Variants in HHAT observed in about 807,000 individuals in gnomAD.
HHAT encodes the protein protein-cysteine N-palmitoyltransferase HHAT.
Under a neutral mutation model 70.8 loss-of-function variants are expected in HHAT, and 47 were observed. That is an observed-to-expected ratio of 0.66 (90% CI 0.53 to 0.85). HHAT has a LOEUF of 0.85. HHAT is among the 40% of genes least tolerant of loss of function. The pLI is 0.00. For synonymous variants in HHAT, 228 were observed against 247.6 expected, an observed-to-expected ratio of 0.92 and a Z score of 0.74; for missense variants, 609 against 604.8, an observed-to-expected ratio of 1.01 and a Z score of -0.07.
At chr1:210,600,656 T>G (rs998233855) in intron 10 of HHAT, among the ~76,000 whole-genome samples, 2 of 151,832 alleles carry the variant, frequency 1.3e-5, no homozygotes, top group African/African-American at 4.8e-5. Flanking sequence ...CGTAGAGGAG[T>G]TACTGCTGGA....
intron 11 of HHAT, among the ~76,000 whole-genome samples, chr1:210,673,755 CTTATTTA>C (rs779925967): frequency 0.054 from 3,844 of 70,580 alleles, 108 homozygotes; most frequent in Middle Eastern, 0.17. Flanking sequence ...CCATGCCTGG[CTTATTTA>C]TTATTTATTT....
intron 6 of HHAT, among the ~76,000 whole-genome samples, chr1:210,406,174 A>T (rs1329357786): frequency 6.6e-6 from 1 of 152,078 alleles, no homozygotes; most frequent in East Asian, 1.9e-4. Context: ...TGAACTTTTG[A>T]ATTATTCTCA....
At chr1:210,664,950 C>T (rs945879387) in intron 11 of HHAT, among the ~76,000 whole-genome samples, 3 of 152,162 alleles carry the variant, frequency 2.0e-5, no homozygotes, top group African/African-American at 7.2e-5. Flanking sequence ...ATTCATCAGT[C>T]ACCAAGTCTT....
At chr1:210,428,507 C>T (rs1026286121) in intron 7 of HHAT, among the ~76,000 whole-genome samples, 1 of 151,036 alleles carries the variant, frequency 6.6e-6, no homozygotes, top group Non-Finnish European at 1.5e-5. Flanking sequence ...CACATTGGAT[C>T]TAGTTGTTTT....
At chr1:210,355,898 GC>G (rs1173571226) in intron 2 of HHAT, among the ~76,000 whole-genome samples, 1 of 151,960 alleles carries the variant, frequency 6.6e-6, no homozygotes, top group Non-Finnish European at 1.5e-5. Context: ...GTCAGTTTGA[GC>G]AATTCATATT....
intron 7 of HHAT, among the ~76,000 whole-genome samples, chr1:210,457,405 A>G (rs1486281594): frequency 6.6e-6 from 1 of 152,188 alleles, no homozygotes; most frequent in Admixed American, 6.5e-5. Flanking sequence ...CAAAATCTAG[A>G]GTAGGTTTGA....
rs1355876432 is a variant in HHAT, at chr1:210,488,350, ACTTTTT to A, written c.1007+23702_1007+23707del. Among the ~76,000 whole-genome samples, 4 of 151,948 alleles carry A rather than the reference ACTTTTT, an allele frequency of 2.6e-5. No homozygotes were observed. The South Asian group carries it at 6.2e-4, about 24-fold the overall frequency. On this transcript the variant is annotated intron_variant, in intron 8 of 11. Transcript: ENST00000261458. ...ATCCCCACTCACCCCCTCACTCTCC[ACTTTTT>A]CTTTTTACTTTTTGCTGTAGCACTT... is the stretch of plus-strand genomic sequence containing the variant.
intron 9 of HHAT, among the ~76,000 whole-genome samples, chr1:210,533,696 T>C (rs1401597669): frequency 6.6e-6 from 1 of 152,216 alleles, no homozygotes; most frequent in Non-Finnish European, 1.5e-5. Context: ...TATGTCATCA[T>C]TGCTTTAAAT....
intron 11 of HHAT, among the ~76,000 whole-genome samples, chr1:210,648,414 C>A (rs1674500565): frequency 6.6e-6 from 1 of 152,144 alleles, no homozygotes; most frequent in African/African-American, 2.4e-5. Context: ...TGAAGCCATG[C>A]ATTTATTGTT....
chr1:210,457,345 A>T (rs2093891079), intron 7 of HHAT, among the ~76,000 whole-genome samples: 2 of 152,334 alleles, frequency 1.3e-5, no homozygotes, highest in East Asian at 1.9e-4. Flanking sequence ...ATTAAAAAAA[A>T]GTCTAAGCTT....
chr1:210,569,909 A>T lies in HHAT; in HGVS notation c.1044-17989A>T, dbSNP rs555971033. Among the ~76,000 whole-genome samples, 3 of 152,276 alleles carry T rather than the reference A, an allele frequency of 2.0e-5. No individual in the cohort carries two copies. In the East Asian group the frequency reaches 5.8e-4, roughly 29 times the overall value. ...GACTGACTGCCCCAGGCAAGCACAGATGTTTCAATCCCTCTTTATATTATC... is the reference window on the plus strand; with the variant it reads ...GACTGACTGCCCCAGGCAAGCACAGTTGTTTCAATCCCTCTTTATATTATC... On this transcript the variant is annotated intron_variant, in intron 9 of 11. Coordinates refer to ENST00000261458, the MANE Select transcript of HHAT (RefSeq NM_018194.6).
At chr1:210,540,525 T>G (rs1030347123) in intron 9 of HHAT, among the ~76,000 whole-genome samples, 4 of 82,128 alleles carry the variant, frequency 4.9e-5, no homozygotes, top group Non-Finnish European at 1.2e-4. Flanking sequence ...AAACACACGC[T>G]CTCTCTCTCT....
chr1:210,433,523 T>G (rs569218318), intron 7 of HHAT, among the ~76,000 whole-genome samples: 2 of 151,170 alleles, frequency 1.3e-5, no homozygotes, highest in South Asian at 2.1e-4. Context: ...GAGAGAAATA[T>G]TCACATACTC....
intron 9 of HHAT, among the ~76,000 whole-genome samples, chr1:210,577,214 A>C (rs1658003445): frequency 6.6e-6 from 1 of 152,046 alleles, no homozygotes; most frequent in Non-Finnish European, 1.5e-5. Context: ...TATTTCCAAT[A>C]CTATGTTGAA....
At chr1:210,534,910 T>C (rs866723210) in intron 9 of HHAT, among the ~76,000 whole-genome samples, 2 of 152,342 alleles carry the variant, frequency 1.3e-5, no homozygotes, top group African/African-American at 2.4e-5. Flanking sequence ...TGTCTAACTT[T>C]CTGGCCTTCA....
intron 11 of HHAT, among the ~76,000 whole-genome samples, chr1:210,668,379 G>A (rs1479358651): frequency 6.6e-6 from 1 of 152,190 alleles, no homozygotes; most frequent in Non-Finnish European, 1.5e-5. Flanking sequence ...CAATCCCCAT[G>A]GTCATGGGAA....
chr1:210,534,781 T>C (rs543577065), intron 9 of HHAT, among the ~76,000 whole-genome samples: 1 of 152,318 alleles, frequency 6.6e-6, no homozygotes, highest in African/African-American at 2.4e-5. Flanking sequence ...ACGTTTCAAA[T>C]TTTAGAGTTT....
chr1:210,371,791 G>T (rs2089595451), intron 3 of HHAT, among the ~76,000 whole-genome samples: 2 of 152,260 alleles, frequency 1.3e-5, no homozygotes, highest in South Asian at 4.1e-4. Context: ...GTTGCCAAGA[G>T]ATCAATGTTC....
chr1:210,580,344 G>C (rs1363389432), intron 9 of HHAT, among the ~76,000 whole-genome samples: 1 of 150,848 alleles, frequency 6.6e-6, no homozygotes, highest in Non-Finnish European at 1.5e-5. Flanking sequence ...ATTCCTTTTT[G>C]TGTACATCTT....
Sources: allele counts gnomAD v4.1 joint callset (sites outside exome capture counted in the v4.1 genomes callset), GRCh38; gene constraint gnomAD v4.1.1; transcripts MANE v1.5; gene names NCBI Gene and HGNC (gene_info 2026-07-23, HGNC 2026-07-21).